Variants in EML6 observed in about 807,000 individuals in gnomAD.
EML6 encodes the protein echinoderm microtubule-associated protein-like 6.
EML6 carries 154 observed loss-of-function variants against 240.1 expected under a neutral mutation model. The ratio of observed to expected loss-of-function variants is 0.64; its 90% CI spans 0.56 to 0.73. The LOEUF (loss-of-function observed/expected upper bound fraction) is 0.73. Ranked by LOEUF, EML6 falls within the 30% of genes least tolerant of loss-of-function variation. The probability of loss-of-function intolerance (pLI) is 0.00; values close to 1 mark genes in which losing one functional copy is unlikely to be tolerated. For synonymous variants in EML6, 1,148 were observed against 899.0 expected, an observed-to-expected ratio of 1.28 and a Z score of -4.95; for missense variants, 2,964 against 2,474.6, an observed-to-expected ratio of 1.20 and a Z score of -4.20.
rs187107746 is a variant in EML6, at chr2:54,858,577, G to T, written c.1658-957G>T. Among the ~76,000 whole-genome samples the T allele has an allele frequency of 2.8e-4, 43 of 152,274 alleles. 1 individual carries two copies. In the East Asian group the frequency reaches 7.9e-3, roughly 28 times the overall value. ...TGATTTAGGTAACTCTTTGAAGTAG[G>T]CAAGTTTGCTTTTGAGACCCAATGC... On this transcript the variant is annotated intron_variant, in intron 11 of 41. Coordinates refer to ENST00000356458, the MANE Select transcript of EML6 (RefSeq NM_001039753.4).
chr2:54,746,932 C>G (rs190675454), intron 2 of EML6, among the ~76,000 whole-genome samples: 2 of 152,210 alleles, frequency 1.3e-5, no homozygotes, highest in African/African-American at 4.8e-5. Context: ...AGTAGATATC[C>G]CAGGAGTGTT....
chr2:54,898,195 C>T (rs1672869406), intron 21 of EML6, among the ~76,000 whole-genome samples: 5 of 152,050 alleles, frequency 3.3e-5, no homozygotes, highest in Admixed American at 6.5e-5. Context: ...AGCCCATTTC[C>T]TTGAGCCATT....
intron 16 of EML6, among the ~76,000 whole-genome samples, chr2:54,877,709 T>G (rs76240784): frequency 0.03 from 4,526 of 152,322 alleles, 217 homozygotes; most frequent in African/African-American, 0.1. Context: ...AGACGTAGTT[T>G]ATAATAATCA....
intron 25 of EML6, among the ~76,000 whole-genome samples, chr2:54,912,713 T>A (rs1398485398): frequency 6.6e-6 from 1 of 152,220 alleles, no homozygotes; most frequent in East Asian, 1.9e-4. Context: ...TCTAGCTACA[T>A]CCATGTTGCT....
At chr2:54,760,206 C>CT (rs937294686) in intron 2 of EML6, among the ~76,000 whole-genome samples, 123 of 139,056 alleles carry the variant, frequency 8.8e-4, no homozygotes, top group Non-Finnish European at 1.2e-3. Context: ...AATAAGTTTT[C>CT]TTTTTTTTTT....
intron 4 of EML6, among the ~76,000 whole-genome samples, chr2:54,818,401 G>A (rs556657243): frequency 1.3e-5 from 2 of 152,322 alleles, no homozygotes; most frequent in Non-Finnish European, 2.9e-5. Flanking sequence ...ATAGCTGAGT[G>A]GCAGCCAGCT....
chr2:54,955,840 C>G (rs1003105891), intron 32 of EML6, among the ~76,000 whole-genome samples: 10 of 152,232 alleles, frequency 6.6e-5, no homozygotes, highest in African/African-American at 2.2e-4. Context: ...ACCACCTCTT[C>G]CGGGTTGACC....
chr2:54,799,495 A>G (rs1816376), intron 2 of EML6, among the ~76,000 whole-genome samples: 1 of 151,704 alleles, frequency 6.6e-6, no homozygotes, highest in Non-Finnish European at 1.5e-5. Context: ...ACAGGTGCCC[A>G]CCACCACGCC....
In EML6 at chr2:54,725,242, A is replaced by G. The variant is rs2086730831; in HGVS notation, c.181A>G (p.Asn61Asp). ...CAGCCAAAAATTCTTCCTGGGACACAACGACGACATTATCAGGTAAGGGGG... is the reference window on the plus strand; with the variant it reads ...CAGCCAAAAATTCTTCCTGGGACACGACGACGACATTATCAGGTAAGGGGG... Reference protein sequence around the residue: ...EHSQKFFLGHNDDIISLALHP... With the variant: ...EHSQKFFLGHDDDIISLALHP... The change falls in exon 2 of 42, where the codon AAC (asparagine) becomes GAC (aspartate). Residue 61 changes from asparagine (N) to aspartate (D), a missense_variant. By Grantham distance (23) the Asn-to-Asp change is conservative. Coordinates refer to ENST00000356458, the MANE Select transcript of EML6 (RefSeq NM_001039753.4). This position sits in a 1 kb window ranked among gnomAD's most constrained non-coding sequence, Gnocchi z 4.3. 1 of 1,482,254 alleles carries G rather than the reference A, an allele frequency of 6.7e-7. No individual in the cohort carries two copies. Among genetic ancestry groups the G allele is most frequent in the South Asian group, 1.3e-5 (1 of 76,824 alleles). 91.8% of individuals were successfully genotyped at this position (1,482,254 alleles called of 1,614,324 possible).
At chr2:54,816,022 T>A (rs1668066379) in intron 3 of EML6, among the ~76,000 whole-genome samples, 1 of 152,224 alleles carries the variant, frequency 6.6e-6, no homozygotes, top group Admixed American at 6.5e-5. Flanking sequence ...GGAGGTTAAT[T>A]TTGCAAGGTG....
intron 7 of EML6, among the ~76,000 whole-genome samples, chr2:54,839,211 G>T (rs531455982): frequency 5.9e-5 from 9 of 152,190 alleles, no homozygotes; most frequent in African/African-American, 2.2e-4. Context: ...TCACCAGAAG[G>T]TTCCCAGAAG....
In EML6 at chr2:54,960,274, G is replaced by A. The variant is rs771760943; in HGVS notation, c.4908G>A (p.Arg1636=). 4.5e-6 allele frequency: 7 copies of A among 1,551,464 alleles called. No individual in the cohort carries two copies. The highest frequency in any genetic ancestry group is 1.4e-5 in the African/African-American group (1 of 73,046). ...GGGACCAGGAGATGAAGCGCTGCCG[G>A]GCCTTTCAGCTGGAGACCGGGCAGC... ...KLWDQEMKRC[R]AFQLETGQLV... Residue 1636 remains arginine, a synonymous_variant, in exon 35 of 42, where the codon CGG becomes CGA. Coordinates refer to ENST00000356458, the MANE Select transcript of EML6 (RefSeq NM_001039753.4).
chr2:54,894,234 T>A (rs1047641004), intron 19 of EML6, among the ~76,000 whole-genome samples: 2 of 150,834 alleles, frequency 1.3e-5, no homozygotes, highest in Non-Finnish European at 2.9e-5. Flanking sequence ...GAACAGTTGG[T>A]ATATATAATA....
At chr2:54,961,176 A>T (rs1676476102) in intron 35 of EML6, among the ~76,000 whole-genome samples, 1 of 22,654 alleles carries the variant, frequency 4.4e-5, no homozygotes, top group Non-Finnish European at 8.5e-5. Flanking sequence ...GGAAGTTATC[A>T]GGAAGTAGTT....
At chr2:54,777,378 T>A (rs1412839117) in intron 2 of EML6, among the ~76,000 whole-genome samples, 5 of 152,202 alleles carry the variant, frequency 3.3e-5, no homozygotes, top group African/African-American at 1.2e-4. Flanking sequence ...ACTCTGAGCT[T>A]GGACTTTTAT....
At chr2:54,770,429 CA>C (rs1307965212) in intron 2 of EML6, among the ~76,000 whole-genome samples, 2 of 152,202 alleles carry the variant, frequency 1.3e-5, no homozygotes, top group Non-Finnish European at 2.9e-5. Context: ...AACTCTACTG[CA>C]TTTGGTCATT....
At position 54,885,380 on chromosome 2, in the gene EML6, G is replaced by C. The variant is rs374350180; in HGVS notation, c.2439-5674G>C. 8.6e-5 allele frequency among the ~76,000 whole-genome samples: 13 copies of C among 151,930 alleles called. 1 individual carries two copies. The East Asian group carries it at 1.2e-3, about 14-fold the overall frequency. On this transcript the variant is annotated intron_variant, in intron 17 of 41. Coordinates refer to ENST00000356458, the MANE Select transcript of EML6 (RefSeq NM_001039753.4). ...GAGAATCACTTGAACCCGGGAGGCGGAGGTTGTAGTGAGCCGAGATCATGC... is the reference window on the plus strand; with the variant it reads ...GAGAATCACTTGAACCCGGGAGGCGCAGGTTGTAGTGAGCCGAGATCATGC...
intron 31 of EML6, among the ~76,000 whole-genome samples, 184 bp downstream of exon 31, chr2:54,952,876 C>G (rs1676051340): frequency 6.6e-6 from 1 of 152,158 alleles, no homozygotes; most frequent in African/African-American, 2.4e-5. Flanking sequence ...GACTGTGATT[C>G]TGAGGGACCA....
intron 10 of EML6, chr2:54,850,454 C>T (rs1670014776): frequency 6.6e-6 from 3 of 454,212 alleles, no homozygotes; most frequent in Non-Finnish European, 7.9e-6. Context: ...TGCTGCACAA[C>T]AAGGGAGATC....
Sources: gnomAD v4.1 joint callset for allele counts (sites outside exome capture counted in the v4.1 genomes callset) on GRCh38, gnomAD v4.1.1 for gene constraint, Gnocchi (gnomAD v3.1) non-coding constraint, MANE v1.5 for transcripts, NCBI Gene and HGNC (gene_info 2026-07-23, HGNC 2026-07-21) for gene names.